The following SLC35F4 variants were observed in gnomAD, a reference collection of about 807,000 sequenced individuals.
SLC35F4 encodes the protein solute carrier family 35 member F4.
Under a neutral mutation model 44.2 loss-of-function variants are expected in SLC35F4, and 24 were observed. The ratio of observed to expected loss-of-function variants is 0.54; its 90% CI spans 0.39 to 0.76. SLC35F4 has a LOEUF of 0.76. Among genes scored for constraint, SLC35F4 ranks in the 30% least tolerant of loss-of-function variants. SLC35F4 has a pLI of 0.00. For missense variants in SLC35F4, 562 were observed against 586.1 expected, an observed-to-expected ratio of 0.96 and a Z score of 0.42; for synonymous variants, 238 against 223.6, an observed-to-expected ratio of 1.06 and a Z score of -0.57.
chr14:57,758,700 A>G (rs2077053246), intron 1 of SLC35F4, among the ~76,000 whole-genome samples: 1 of 150,140 alleles, frequency 6.7e-6, no homozygotes, highest in African/African-American at 2.4e-5. Context: ...AAGCGTGGTA[A>G]TCTTTGACTA....
intron 1 of SLC35F4, among the ~76,000 whole-genome samples, chr14:57,670,324 A>G (rs1457926683): frequency 6.6e-6 from 1 of 151,636 alleles, no homozygotes; most frequent in Non-Finnish European, 1.5e-5. Context: ...TTGTGTCTCT[A>G]TTTCCTTCAG....
At chr14:57,892,261 G>A (rs1007401584) in intron 1 of SLC35F4, among the ~76,000 whole-genome samples, 1 of 152,214 alleles carries the variant, frequency 6.6e-6, no homozygotes, top group Non-Finnish European at 1.5e-5. Flanking sequence ...GAGGATCTCA[G>A]ATTAAATGTG....
At chr14:57,887,890 TGCACAC>T (rs1208714683) in intron 1 of SLC35F4, among the ~76,000 whole-genome samples, 4 of 152,148 alleles carry the variant, frequency 2.6e-5, no homozygotes, top group African/African-American at 9.7e-5. Flanking sequence ...CACATGCACA[TGCACAC>T]GCACATGCAC....
chr14:57,654,573 T>A (rs1245863688), intron 1 of SLC35F4, among the ~76,000 whole-genome samples: 2 of 152,236 alleles, frequency 1.3e-5, no homozygotes, highest in Non-Finnish European at 2.9e-5. Flanking sequence ...GTGTCTTTTT[T>A]AATAAAATTA....
intron 1 of SLC35F4, among the ~76,000 whole-genome samples, chr14:57,830,380 C>T (rs1159833098): frequency 1.3e-5 from 2 of 152,074 alleles, no homozygotes; most frequent in African/African-American, 4.8e-5. Context: ...TTATAATATC[C>T]GAGGAGATTT....
chr14:57,660,850 C>A (rs568166079), intron 1 of SLC35F4, among the ~76,000 whole-genome samples: 1 of 152,028 alleles, frequency 6.6e-6, no homozygotes, highest in Non-Finnish European at 1.5e-5. Flanking sequence ...AGACCTGGGG[C>A]GAGAAACCCT....
At chr14:57,775,985 C>T (rs903464212) in intron 1 of SLC35F4, among the ~76,000 whole-genome samples, 67 of 152,104 alleles carry the variant, frequency 4.4e-4, no homozygotes, top group African/African-American at 1.5e-3. Flanking sequence ...GAAAAACATG[C>T]TACAAGAATT....
At chr14:57,585,896 C>A (rs1483106836) in intron 3 of SLC35F4, among the ~76,000 whole-genome samples, 1 of 152,188 alleles carries the variant, frequency 6.6e-6, no homozygotes, top group Non-Finnish European at 1.5e-5. Context: ...AATGGCCATA[C>A]TGCCCAAAGT....
intron 1 of SLC35F4, among the ~76,000 whole-genome samples, chr14:57,963,679 C>A (rs561366295): frequency 1.0e-4 from 15 of 149,728 alleles, no homozygotes; most frequent in African/African-American, 3.4e-4. Context: ...TGACCCAGAG[C>A]CCACCCAACC....
chr14:57,618,292 C>A (rs1375686638), intron 1 of SLC35F4, among the ~76,000 whole-genome samples: 1 of 152,186 alleles, frequency 6.6e-6, no homozygotes, highest in Non-Finnish European at 1.5e-5. Flanking sequence ...CCCAGCAAGA[C>A]TGACGCAGAA....
chr14:57,970,334 G>C (rs959241813), intron 1 of SLC35F4, among the ~76,000 whole-genome samples: 3 of 152,244 alleles, frequency 2.0e-5, no homozygotes, highest in Admixed American at 6.5e-5. Context: ...AATTCAGCTT[G>C]ATCATCACTT....
At chr14:57,893,749 TG>T (rs1482730855) in intron 1 of SLC35F4, among the ~76,000 whole-genome samples, 1 of 152,176 alleles carries the variant, frequency 6.6e-6, no homozygotes, top group African/African-American at 2.4e-5. Flanking sequence ...TCAGGTGCCC[TG>T]TTATTCTCCA....
chr14:57,910,936 CTT>C (rs1429637488), intron 1 of SLC35F4, among the ~76,000 whole-genome samples: 1 of 151,842 alleles, frequency 6.6e-6, no homozygotes, highest in Admixed American at 6.6e-5. Flanking sequence ...TTTGGTTTTT[CTT>C]TGTTATCTTT....
At chr14:57,651,660 T>C (rs1297323746) in intron 1 of SLC35F4, among the ~76,000 whole-genome samples, 1 of 152,080 alleles carries the variant, frequency 6.6e-6, no homozygotes, top group Admixed American at 6.5e-5. Flanking sequence ...GGTAGCACTT[T>C]CTAGACTGGT....
intron 4 of SLC35F4, 196 bp downstream of exon 4, chr14:57,581,018 T>C (rs1594930328): frequency 2.3e-6 from 1 of 442,972 alleles, no homozygotes; most frequent in East Asian, 3.5e-5. Flanking sequence ...CACTAACCAG[T>C]GGAAACAAAC....
chr14:57,777,650 G>T (rs1184701194), intron 1 of SLC35F4, among the ~76,000 whole-genome samples: 4 of 152,042 alleles, frequency 2.6e-5, no homozygotes, highest in African/African-American at 9.7e-5. Flanking sequence ...GGCTGGGGGA[G>T]GGATAGCATT....
At chr14:57,972,251 T>C (rs968277486), downstream of SLC35F4, among the ~76,000 whole-genome samples, 4 of 152,260 alleles carry the variant, frequency 2.6e-5, no homozygotes, top group African/African-American at 9.6e-5. Context: ...GAAAAAATGA[T>C]AGGGAGAGTG....
At chr14:57,808,750 G>A (rs1249538642) in intron 1 of SLC35F4, among the ~76,000 whole-genome samples, 1 of 152,206 alleles carries the variant, frequency 6.6e-6, no homozygotes, top group Non-Finnish European at 1.5e-5. Flanking sequence ...AGGCTGCAGT[G>A]AGCCACGATG....
intron 1 of SLC35F4, among the ~76,000 whole-genome samples, chr14:57,605,059 C>A (rs897840571): frequency 6.9e-6 from 1 of 145,086 alleles, no homozygotes; most frequent in Admixed American, 7.2e-5. Flanking sequence ...AAAGAAGTTA[C>A]GGCTAAGTCC....
Sources: gnomAD v4.1 joint callset for allele counts (sites outside exome capture counted in the v4.1 genomes callset) on GRCh38, gnomAD v4.1.1 for gene constraint, MANE v1.5 for transcripts, NCBI Gene and HGNC (gene_info 2026-07-23, HGNC 2026-07-21) for gene names.